Variants in LRP1B observed in about 807,000 individuals in gnomAD.
The protein encoded by LRP1B is low-density lipoprotein receptor-related protein 1B.
LRP1B carries 217 observed loss-of-function variants against 556.6 expected under a neutral mutation model. That is an observed-to-expected ratio of 0.39 (90% confidence interval 0.35 to 0.44). LRP1B has a LOEUF of 0.44. LRP1B is among the 20% of genes least tolerant of loss of function. The pLI is 1.00. For missense variants in LRP1B, 5,053 were observed against 5,620.8 expected (o/e 0.90, Z 3.23); for synonymous variants, 2,047 against 1,865.8 (o/e 1.10, Z -2.50).
At chr2:140,317,587 ACT>A (rs1403691429) in intron 82 of LRP1B, among the ~76,000 whole-genome samples, 1 of 152,054 alleles carries the variant, frequency 6.6e-6, no homozygotes, top group African/African-American at 2.4e-5. Flanking sequence ...CAGAGATCAA[ACT>A]CTCAAGAAAT....
chr2:140,565,135 T>C (rs1475201682), intron 43 of LRP1B, among the ~76,000 whole-genome samples: 1 of 148,816 alleles, frequency 6.7e-6, no homozygotes, highest in Non-Finnish European at 1.5e-5. Flanking sequence ...ACATACTCCA[T>C]ATTCCTCTAA....
intron 57 of LRP1B, among the ~76,000 whole-genome samples, chr2:140,489,833 T>C (rs1458615963): frequency 3.3e-5 from 5 of 152,064 alleles, no homozygotes; most frequent in African/African-American, 1.2e-4. Flanking sequence ...AATTATCCTA[T>C]TCCTTCTTTA....
At chr2:141,405,701 C>A (rs1455642971) in intron 3 of LRP1B, among the ~76,000 whole-genome samples, 1 of 151,948 alleles carries the variant, frequency 6.6e-6, no homozygotes. Flanking sequence ...GGGTATGGGA[C>A]AGAATATAAG....
At chr2:140,799,394 T>A (rs1690426457) in intron 32 of LRP1B, among the ~76,000 whole-genome samples, 1 of 152,124 alleles carries the variant, frequency 6.6e-6, no homozygotes, top group South Asian at 2.1e-4. Flanking sequence ...AAGAGAGCCC[T>A]CACCAGGAAC....
intron 83 of LRP1B, among the ~76,000 whole-genome samples, chr2:140,298,170 T>C (rs917674838): frequency 1.2e-4 from 19 of 152,282 alleles, no homozygotes; most frequent in Non-Finnish European, 4.4e-5. Flanking sequence ...TTAGAAGATA[T>C]CCAAGTTTCA....
chr2:140,917,372 T>C (rs1694610738), intron 21 of LRP1B, among the ~76,000 whole-genome samples: 1 of 152,124 alleles, frequency 6.6e-6, no homozygotes, highest in South Asian at 2.1e-4. Flanking sequence ...ATTGACAACT[T>C]ATGTCCACCC....
In LRP1B at chr2:140,776,170, T is replaced by G; in HGVS notation, c.5428A>C (p.Asn1810His). 6.2e-7 allele frequency: 1 copy of G among 1,601,096 alleles called. No individual in the cohort carries two copies. Among genetic ancestry groups the G allele is most frequent in the Non-Finnish European group, 8.5e-7 (1 of 1,174,426 alleles). The change falls in exon 33 of 91, where the codon AAC (asparagine) becomes CAC (histidine). Residue 1810 changes from asparagine to histidine, a missense_variant. This residue lies in a region of LRP1B where 3,619 missense variants were observed against 3,931.9 expected (regional missense o/e 0.92). Coordinates refer to ENST00000389484, the MANE Select transcript of LRP1B (RefSeq NM_018557.3). Reference protein sequence around the residue: ...LGTCSKRDGRNPTILRNKTSG... With the variant: ...LGTCSKRDGRHPTILRNKTSG... ...GTCTTATTCCGTAGGATGGTGGGGTTTCTTCCGTCTCTTTTGCTGCAGGTT... is the reference window on the plus strand; with the variant it reads ...GTCTTATTCCGTAGGATGGTGGGGTGTCTTCCGTCTCTTTTGCTGCAGGTT...
At chr2:142,000,631 C>T (rs2105135320) in intron 1 of LRP1B, among the ~76,000 whole-genome samples, 1 of 152,230 alleles carries the variant, frequency 6.6e-6, no homozygotes, top group African/African-American at 2.4e-5. Context: ...CCCAAACCAG[C>T]TCTTTGATAG....
intron 67 of LRP1B, among the ~76,000 whole-genome samples, chr2:140,381,592 G>T (rs946303922): frequency 2.0e-5 from 3 of 152,094 alleles, no homozygotes; most frequent in African/African-American, 7.2e-5. Flanking sequence ...GCTGAGTGTG[G>T]TGGCTCATGC....
intron 53 of LRP1B, among the ~76,000 whole-genome samples, chr2:140,506,118 GT>G (rs11386363): frequency 3.3e-5 from 5 of 151,596 alleles, no homozygotes; most frequent in Non-Finnish European, 5.9e-5. Context: ...TCTGAATTAT[GT>G]TTTTTTTACT....
intron 3 of LRP1B, among the ~76,000 whole-genome samples, chr2:141,259,226 C>T (rs1684597114): frequency 6.6e-6 from 1 of 152,152 alleles, no homozygotes; most frequent in Non-Finnish European, 1.5e-5. Flanking sequence ...TCTTTCACCA[C>T]TTATCTTGTT....
At chr2:140,362,803 T>C (rs1328307675) in intron 72 of LRP1B, among the ~76,000 whole-genome samples, 2 of 151,726 alleles carry the variant, frequency 1.3e-5, no homozygotes, top group Non-Finnish European at 2.9e-5. Context: ...CAAATTACTA[T>C]ACTTTATAGT....
chr2:141,647,874 T>C (rs1382158998), intron 2 of LRP1B, among the ~76,000 whole-genome samples: 1 of 151,918 alleles, frequency 6.6e-6, no homozygotes, highest in Non-Finnish European at 1.5e-5. Flanking sequence ...TTATTTGGAG[T>C]ATGCCAAGAA....
intron 3 of LRP1B, among the ~76,000 whole-genome samples, chr2:141,330,227 T>C (rs1206445559): frequency 6.6e-6 from 1 of 152,162 alleles, no homozygotes; most frequent in Non-Finnish European, 1.5e-5. Flanking sequence ...ATCAAATATG[T>C]CAACAGAACT....
At chr2:140,554,884 G>GTGTGTGTA (rs56040453) in intron 43 of LRP1B, among the ~76,000 whole-genome samples, 277 of 148,644 alleles carry the variant, frequency 1.9e-3, no homozygotes, top group South Asian at 4.7e-3. Flanking sequence ...GTGTGTGTGT[G>GTGTGTGTA]TATATGTATA....
Position 140,784,827 on chromosome 2 carries a change from T to G in LRP1B, c.5360-8589A>C, listed in dbSNP as rs533073954. On this transcript the variant is annotated intron_variant, in intron 32 of 90. Coordinates refer to ENST00000389484, the MANE Select transcript of LRP1B (RefSeq NM_018557.3). ...GTTGAAAAAATCCTCAAGGAAATTT[T>G]TTTTAAGGAAGGAAATAAACAGAAA... is the stretch of plus-strand genomic sequence containing the variant. Among the ~76,000 whole-genome samples the G allele has an allele frequency of 4.6e-5, 7 of 152,164 alleles. No homozygotes were observed. In the South Asian group the frequency reaches 1.4e-3, roughly 32 times the overall value.
intron 66 of LRP1B, among the ~76,000 whole-genome samples, chr2:140,425,744 C>T (rs796272341): frequency 2.2e-4 from 34 of 152,254 alleles, no homozygotes; most frequent in African/African-American, 7.5e-4. Context: ...TATGAGAGAA[C>T]TCACACTCCC....
At chr2:142,079,912 A>G (rs1423010110) in intron 1 of LRP1B, among the ~76,000 whole-genome samples, 2 of 152,204 alleles carry the variant, frequency 1.3e-5, no homozygotes, top group African/African-American at 4.8e-5. Context: ...ACATGAAATA[A>G]TCAGCCATCC....
intron 3 of LRP1B, among the ~76,000 whole-genome samples, chr2:141,295,784 CACACACAT>C (rs562431881): frequency 0.023 from 3,420 of 150,714 alleles, 61 homozygotes; most frequent in South Asian, 0.035. Context: ...CACACACACA[CACACACAT>C]AACAGTGGGG....
Sources: gnomAD v4.1 joint callset for allele counts (sites outside exome capture counted in the v4.1 genomes callset) on GRCh38, gnomAD v4.1.1 for gene constraint, gnomAD v4.1.1 regional missense constraint, MANE v1.5 for transcripts, NCBI Gene and HGNC (gene_info 2026-07-23, HGNC 2026-07-21) for gene names.